Variants in AIRE observed in about 807,000 individuals in gnomAD.
The protein encoded by AIRE is autoimmune polyendocrinopathy candidiasis ectodermal dystrophy protein.
A neutral mutation model predicts 62.1 loss-of-function variants in AIRE; 52 were observed. The ratio of observed to expected loss-of-function variants is 0.84; its 90% confidence interval spans 0.67 to 1.06. AIRE has a LOEUF of 1.06. Among genes scored for constraint, AIRE ranks in the 50% least tolerant of loss-of-function variants. The pLI is 0.00. For missense variants in AIRE, 774 were observed against 755.8 expected, an observed-to-expected ratio of 1.02 and a Z score of -0.28; for synonymous variants, 342 against 321.6, an observed-to-expected ratio of 1.06 and a Z score of -0.68.
Position 44,288,029 on chromosome 21 carries a change from G to A in AIRE, c.539-316G>A, listed in dbSNP as rs536545498. ...AGCCTAGGAACTCTGTGTCCCTCCC[G>A]GCACAATACAGGGCCCATGTCATGG... On this transcript the variant is annotated intron_variant, in intron 4 of 13. Coordinates refer to ENST00000291582, the MANE Select transcript of AIRE (RefSeq NM_000383.4). Among the ~76,000 whole-genome samples, 69 of 152,206 alleles carry A rather than the reference G, an allele frequency of 4.5e-4. No homozygotes were observed. The South Asian group carries it at 7.5e-3, about 16-fold the overall frequency.
Position 44,292,335 on chromosome 21 carries a change from A to T in AIRE, c.1029A>T (p.Ala343=). 1 of 1,577,970 alleles carries T rather than the reference A, an allele frequency of 6.3e-7. No individual in the cohort carries two copies. Among genetic ancestry groups the T allele is most frequent in the Non-Finnish European group, 8.6e-7 (1 of 1,162,322 alleles). The stretch of plus-strand genomic sequence containing the variant: ...GGAGGTGCTCCAGCTGCCTGCAGGC[A>T]ACAGTCCAGGAGGTGCAGCCCCGGG... ...GTWRCSSCLQ[A]TVQEVQPRAE... is the part of the protein sequence containing the mutation. The change falls in exon 9 of 14, where the codon GCA becomes GCT. Residue 343 remains alanine, a synonymous_variant. Coordinates refer to ENST00000291582, the MANE Select transcript of AIRE (RefSeq NM_000383.4).
intron 12 of AIRE, 68 bp downstream of exon 12, chr21:44,294,571 G>T: frequency 1.1e-6 from 1 of 889,110 alleles, no homozygotes; most frequent in Non-Finnish European, 1.6e-6. Flanking sequence ...GTTGGTGTTG[G>T]GGGAGCACAT....
chr21:44,287,932 A>G lies in AIRE; in HGVS notation c.538+341A>G, dbSNP rs962313652. On this transcript the variant is annotated intron_variant, in intron 4 of 13. Transcript: ENST00000291582. The surrounding 1 kb of genome is among the most constrained non-coding windows in gnomAD (Gnocchi z 4.3). ...TGGCCCCCAGCTGCATGCAGGCTGAACCCTTCCTGTCCCCTTCTCCTTCCT... is the reference window on the plus strand; with the variant it reads ...TGGCCCCCAGCTGCATGCAGGCTGAGCCCTTCCTGTCCCCTTCTCCTTCCT... Among the ~76,000 whole-genome samples the G allele has an allele frequency of 6.6e-6, 1 of 151,790 alleles. No individual in the cohort carries two copies. Among genetic ancestry groups the G allele is most frequent in the Admixed American group, 6.6e-5 (1 of 15,234 alleles).
In AIRE at chr21:44,290,045, C is replaced by G. The variant is rs2040520480; in HGVS notation, c.856C>G (p.Pro286Ala). 6.2e-7 allele frequency: 1 copy of G among 1,611,964 alleles called. No individual in the cohort carries two copies. Among genetic ancestry groups the G allele is most frequent in the African/African-American group, 1.3e-5 (1 of 74,914 alleles). The change falls in exon 7 of 14, where the codon CCC becomes GCC. Residue 286 changes from proline (P) to alanine (A), a missense_variant. Physicochemically the swap from Pro to Ala is conservative, Grantham distance 27. Around this residue, in one of 3 missense-constraint regions of AIRE, gnomAD observed 385 missense variants for 396.0 expected, o/e 0.97. Transcript: ENST00000291582. The part of the protein sequence containing the change: ...QGSVPAPLAL[P>A]SDPQLHQKNE... ...CAGCGTTCCCGCCCCTCTGGCCCTC[C>G]CCAGTGACCCCCAGCTCCACCAGGT...
chr21:44,294,057 C>T, intron 11 of AIRE, 147 bp downstream of exon 11: 1 of 1,121,424 alleles, frequency 8.9e-7, no homozygotes, highest in Non-Finnish European at 1.3e-6. Context: ...CACCCCACAC[C>T]CATGCCCTGC....
chr21:44,286,917 C>T lies in AIRE; in HGVS notation c.308-61C>T, dbSNP rs2040487693. On this transcript the variant is annotated intron_variant, in intron 2 of 13. Coordinates refer to ENST00000291582, the MANE Select transcript of AIRE (RefSeq NM_000383.4). This position sits in a 1 kb window ranked among gnomAD's most constrained non-coding sequence, Gnocchi z 6.0. Reference sequence around the variant, plus strand: ...CTGGCCAAGGTGTCCAGTTCTGGGGCCCACCCTACCCCTGGAGAAAACCCT... The same window carrying T: ...CTGGCCAAGGTGTCCAGTTCTGGGGTCCACCCTACCCCTGGAGAAAACCCT... The T allele has an allele frequency of 6.2e-7, 1 of 1,609,020 alleles. No homozygotes were observed. The highest frequency in any genetic ancestry group is 8.5e-7 in the Non-Finnish European group (1 of 1,177,148).
rs74162062 is a variant in AIRE, at chr21:44,291,142, C to G, written c.927C>G (p.Ile309Met). Residue 309 changes from isoleucine to methionine, a missense_variant, in exon 8 of 14, where the codon ATC becomes ATG. Ile to Met is a conservative substitution (Grantham distance 10). Around this residue, in one of 3 missense-constraint regions of AIRE, gnomAD observed 35 missense variants for 63.7 expected, o/e 0.55. Coordinates refer to ENST00000291582, the MANE Select transcript of AIRE (RefSeq NM_000383.4). ...TGTGTCGGGACGGCGGGGAGCTCAT[C>G]TGCTGTGACGGCTGCCCTCGGGCCT... ...CAVCRDGGEL[I>M]CCDGCPRAFH... The G allele has an allele frequency of 1.1e-4, 173 of 1,611,682 alleles. No homozygotes were observed. The highest frequency in any genetic ancestry group is 2.5e-4 in the South Asian group (23 of 91,062).
Position 44,287,673 on chromosome 21 carries a change from G to A in AIRE, c.538+82G>A, listed in dbSNP as rs2146377075. On this transcript the variant is annotated intron_variant, in intron 4 of 13. Transcript: ENST00000291582. The surrounding 1 kb of genome is among the most constrained non-coding windows in gnomAD (Gnocchi z 4.3). ...GGGGTCAGAGCAGGGCCTGCCCTCTGAGACCCTGTCCTAGGGGCTGGGGAC... is the reference window on the plus strand; with the variant it reads ...GGGGTCAGAGCAGGGCCTGCCCTCTAAGACCCTGTCCTAGGGGCTGGGGAC... 2.2e-6 allele frequency: 3 copies of A among 1,390,962 alleles called. No homozygotes were observed. Among genetic ancestry groups the A allele is most frequent in the East Asian group, 5.0e-5 (2 of 40,038 alleles). The allele number at this position is 1,390,962 out of a possible 1,614,324, so 86.2% of individuals were successfully genotyped here.
In AIRE at chr21:44,298,483, A is replaced by G. The variant is rs1183627213; in HGVS notation, c.*756A>G. 6.5e-6 allele frequency: 1 copy of G among 153,650 alleles called. No individual in the cohort carries two copies. Among genetic ancestry groups the G allele is most frequent in the Non-Finnish European group, 1.4e-5 (1 of 68,976 alleles). The allele number at this position is 153,650 out of a possible 1,614,324, so 9.5% of individuals were successfully genotyped here. On this transcript the variant is annotated 3_prime_UTR_variant, in exon 14 of 14. Coordinates refer to ENST00000291582, the MANE Select transcript of AIRE (RefSeq NM_000383.4). Reference sequence around the variant, plus strand: ...AAATCTGCTTCCTTTTTTAAGGCTGAGTAATATTCCAGCACATGGATGGAC... The same window carrying G: ...AAATCTGCTTCCTTTTTTAAGGCTGGGTAATATTCCAGCACATGGATGGAC...
intron 13 of AIRE, among the ~76,000 whole-genome samples, chr21:44,296,836 G>A (rs1203979426): frequency 6.6e-6 from 1 of 151,130 alleles, no homozygotes; most frequent in Non-Finnish European, 1.5e-5. Flanking sequence ...TGGGGGGGGG[G>A]TCCCAGACCC....
At position 44,298,310 on chromosome 21, in the gene AIRE, C is replaced by T. The variant is rs961885154; in HGVS notation, c.*583C>T. 2.9e-5 allele frequency: 5 copies of T among 174,144 alleles called. No individual in the cohort carries two copies. Among genetic ancestry groups the T allele is most frequent in the African/African-American group, 1.2e-4 (5 of 41,752 alleles). 10.8% of individuals were successfully genotyped at this position (174,144 alleles called of 1,614,324 possible). ...ACTCACTCCCCATTCCCCTCCCAAC[C>T]CCTGGCACCCTCCACTCTACTTTCT... On this transcript the variant is annotated 3_prime_UTR_variant, in exon 14 of 14. Transcript: ENST00000291582.
chr21:44,292,239 G>A (rs1190336122), intron 8 of AIRE, 63 bp from the exon 9 acceptor site: 11 of 1,378,934 alleles, frequency 8.0e-6, no homozygotes, highest in South Asian at 1.2e-5. Context: ...CCACCCGTGG[G>A]TTTGGGGATC....
rs930510704 is a variant in AIRE, at chr21:44,286,423, G to A, written c.133-134G>A. 5.4e-5 allele frequency: 52 copies of A among 954,806 alleles called. No homozygotes were observed. The highest frequency in any genetic ancestry group is 7.3e-5 in the Non-Finnish European group (48 of 660,274). 59.1% of individuals were successfully genotyped at this position (954,806 alleles called of 1,614,324 possible). ...CCACCACCTGACTCCACCACAAGCC[G>A]AGGAGATGGGCGTGGAGCTGTCCAG... On this transcript the variant is annotated intron_variant, in intron 1 of 13. Coordinates refer to ENST00000291582, the MANE Select transcript of AIRE (RefSeq NM_000383.4). This position sits in a 1 kb window ranked among gnomAD's most constrained non-coding sequence, Gnocchi z 6.0.
intron 7 of AIRE, chr21:44,290,703 C>A: frequency 1.5e-6 from 2 of 1,337,080 alleles, no homozygotes; most frequent in Admixed American, 4.4e-5. Flanking sequence ...ACCATCCAGG[C>A]AGGGCACAAG....
chr21:44,286,466 C>T lies in AIRE; in HGVS notation c.133-91C>T, dbSNP rs73907152. 0.01 allele frequency: 14,866 copies of T among 1,425,566 alleles called. 1,165 individuals carry two copies. The African/African-American group carries it at 0.18, about 17-fold the overall frequency. 88.3% of individuals were successfully genotyped at this position (1,425,566 alleles called of 1,614,324 possible). On this transcript the variant is annotated intron_variant, in intron 1 of 13. Coordinates refer to ENST00000291582, the MANE Select transcript of AIRE (RefSeq NM_000383.4). The surrounding 1 kb of genome is among the most constrained non-coding windows in gnomAD (Gnocchi z 6.0). ...CTGTCCAGGTCGCCAGCGCCTCTGC[C>T]TGGGAGCTCCACCCTCTAGTCATGA...
At position 44,287,824 on chromosome 21, in the gene AIRE, C is replaced by T. The variant is rs770777635; in HGVS notation, c.538+233C>T. On this transcript the variant is annotated intron_variant, in intron 4 of 13. Coordinates refer to ENST00000291582, the MANE Select transcript of AIRE (RefSeq NM_000383.4). The surrounding 1 kb of genome is among the most constrained non-coding windows in gnomAD (Gnocchi z 4.3). ...CCCACTGCACCCTGGTTCTGGGACC[C>T]CCTTCTCAGGCACCTTCTCTGCCCG... Among the ~76,000 whole-genome samples, 3 of 152,232 alleles carry T rather than the reference C, an allele frequency of 2.0e-5. No homozygotes were observed. The highest frequency in any genetic ancestry group is 3.4e-3 in the Middle Eastern group (1 of 294).
rs753974982 is a variant in AIRE, at chr21:44,287,166, C to G, written c.463+33C>G. ...CCCTGCAGGGGAAGCCAGCCAGGGT[C>G]TCCAGTCTTCCCGGGCTTCCCCGGG... On this transcript the variant is annotated intron_variant, in intron 3 of 13. Coordinates refer to ENST00000291582, the MANE Select transcript of AIRE (RefSeq NM_000383.4). The surrounding 1 kb of genome is among the most constrained non-coding windows in gnomAD (Gnocchi z 4.3). 6.2e-7 allele frequency: 1 copy of G among 1,609,826 alleles called. No homozygotes were observed. Among genetic ancestry groups the G allele is most frequent in the East Asian group, 2.2e-5 (1 of 44,852 alleles).
intron 5 of AIRE, 192 bp downstream of exon 5, chr21:44,288,650 C>T: frequency 3.4e-6 from 2 of 583,276 alleles, no homozygotes; most frequent in Non-Finnish European, 6.1e-6. Flanking sequence ...TGTCGGGGGA[C>T]CTTCTGCAAG....
intron 9 of AIRE, 137 bp downstream of exon 9, chr21:44,292,538 T>C: frequency 1.5e-6 from 1 of 649,684 alleles, no homozygotes. Flanking sequence ...CATAGCACTA[T>C]GTCCCCCATG....
Sources: gnomAD v4.1 joint callset for allele counts (sites outside exome capture counted in the v4.1 genomes callset) on GRCh38, gnomAD v4.1.1 for gene constraint, gnomAD v4.1.1 regional missense constraint, Gnocchi (gnomAD v3.1) non-coding constraint, MANE v1.5 for transcripts, NCBI Gene and HGNC (gene_info 2026-07-23, HGNC 2026-07-21) for gene names.